Variants in RGS6 observed in about 807,000 individuals in gnomAD.
RGS6 encodes regulator of G protein signaling 6.
RGS6 carries 30 observed loss-of-function variants against 78.5 expected under a neutral mutation model. That is an observed-to-expected ratio of 0.38 (90% CI 0.29 to 0.52). RGS6 has a LOEUF of 0.52. RGS6 is among the 20% of genes least tolerant of loss of function. The probability of loss-of-function intolerance (pLI) is 0.85; values close to 1 mark genes in which losing one functional copy is unlikely to be tolerated. For missense variants in RGS6, 495 were observed against 609.7 expected (o/e 0.81, Z 1.98); for synonymous variants, 206 against 206.0 (o/e 1.00, Z 0.00).
rs1169822451 is a variant in RGS6 at position 72,024,060 on chromosome 14, C to T, written c.84+59185C>T. 4.8e-5 allele frequency among the ~76,000 whole-genome samples: 5 copies of T among 105,068 alleles called. No homozygotes were observed. In the East Asian group the frequency reaches 1.2e-3, roughly 26 times the overall value. 68.9% of individuals were successfully genotyped at this position (105,068 alleles called of 152,430 possible). A position where few individuals can be genotyped will look rare whatever the true frequency, so the allele number is the denominator to read the frequency against. Reference sequence around the variant, plus strand: ...TGCTTTGTACATGTAGCACTTAGCACTGTGTCTAGCACATAACGAGGACTC... The same window carrying T: ...TGCTTTGTACATGTAGCACTTAGCATTGTGTCTAGCACATAACGAGGACTC... On this transcript the variant is annotated intron_variant, in intron 2 of 17. Transcript: ENST00000553525.
At chr14:72,613,020 GTGTGTGTGTGTA>G in the RGS6 span, among the ~76,000 whole-genome samples, 5 of 151,996 alleles carry the variant, frequency 3.3e-5, no homozygotes, top group African/African-American at 1.2e-4. Context: ...GTGTGTGTGT[GTGTGTGTGTGTA>G]TGTGCGTGCG....
chr14:72,118,457 T>C (rs1238082610), intron 2 of RGS6, among the ~76,000 whole-genome samples: 1 of 152,186 alleles, frequency 6.6e-6, no homozygotes, highest in African/African-American at 2.4e-5. Flanking sequence ...TCTTTACTCA[T>C]AGAAGGGCAC....
chr14:71,926,903 T>A, the RGS6 span, among the ~76,000 whole-genome samples: 2 of 152,208 alleles, frequency 1.3e-5, no homozygotes, highest in Non-Finnish European at 2.9e-5. Context: ...TTATTTACCA[T>A]GGTCCTAACC....
intron 12 of RGS6, among the ~76,000 whole-genome samples, chr14:72,488,315 A>T (rs2239272): frequency 6.6e-6 from 1 of 151,956 alleles, no homozygotes; most frequent in Non-Finnish European, 1.5e-5. Flanking sequence ...CCTTTTTTAG[A>T]GAAGGCATGA....
intron 15 of RGS6, among the ~76,000 whole-genome samples, chr14:72,528,588 A>G (rs76250457): frequency 6.6e-6 from 1 of 152,190 alleles, no homozygotes; most frequent in East Asian, 1.9e-4. Flanking sequence ...CTGCTTGTTC[A>G]TAGTCAGCTT....
the RGS6 span, among the ~76,000 whole-genome samples, chr14:71,890,839 G>C: frequency 6.6e-6 from 1 of 152,206 alleles, no homozygotes; most frequent in African/African-American, 2.4e-5. Flanking sequence ...ACTCCATTCA[G>C]CTTGGGATTA....
At chr14:72,523,361 G>A (rs1465803477) in intron 15 of RGS6, among the ~76,000 whole-genome samples, 1 of 152,050 alleles carries the variant, frequency 6.6e-6, no homozygotes, top group South Asian at 2.1e-4. Context: ...TGTTAAATGG[G>A]GATGTTAACA....
intron 13 of RGS6, among the ~76,000 whole-genome samples, chr14:72,496,967 A>G (rs2096653349): frequency 6.6e-6 from 1 of 152,206 alleles, no homozygotes; most frequent in Non-Finnish European, 1.5e-5. Context: ...ATCCCCTGGC[A>G]CCGGTGAAGT....
At position 72,363,999 on chromosome 14, in the gene RGS6, T is replaced by TAAAAAAAAAAA. The variant is rs55943058; in HGVS notation, c.184+11822_184+11832dup. Among the ~76,000 whole-genome samples the TAAAAAAAAAAA allele has an allele frequency of 5.6e-3, 263 of 46,802 alleles. 53 individuals are homozygous for TAAAAAAAAAAA. The highest frequency in any genetic ancestry group is 8.5e-3 in the African/African-American group (129 of 15,208). The allele number at this position is 46,802 out of a possible 152,430, so 30.7% of individuals were successfully genotyped here. Reference sequence around the variant, plus strand: ...ACCATCACTTGTCAGTGGACAAGGCTAAAAAAAAAAAAAAAAAAAAAAAAA... The same window carrying TAAAAAAAAAAA: ...ACCATCACTTGTCAGTGGACAAGGCTAAAAAAAAAAAAAAAAAAAAAAAAAAAAAAAAAAAA... On this transcript the variant is annotated intron_variant, in intron 3 of 17. Transcript: ENST00000553525.
At position 72,546,479 on chromosome 14, in the gene RGS6, G is replaced by A. The variant is rs562386264; in HGVS notation, c.1422+6385G>A. ...GAGACACTGGGCCCTAGACCCTGAC[G>A]TTTCCGTTGGAAGGAGGAGCCCCCA... On this transcript the variant is annotated intron_variant, in intron 17 of 17. Transcript: ENST00000553525. 3.4e-4 allele frequency among the ~76,000 whole-genome samples: 52 copies of A among 152,286 alleles called. 1 individual carries two copies. Among genetic ancestry groups the A allele is most frequent in the South Asian group, 6.2e-4 (3 of 4,826 alleles).
chr14:71,942,854 A>G (rs1363095334), intron 1 of RGS6, among the ~76,000 whole-genome samples: 2 of 149,558 alleles, frequency 1.3e-5, no homozygotes, highest in African/African-American at 4.8e-5. Flanking sequence ...TTGGATATGA[A>G]CAAAATAGAT....
rs570473344 is a variant in RGS6 at position 72,092,729 on chromosome 14, T to C, written c.84+127854T>C. Among the ~76,000 whole-genome samples the C allele has an allele frequency of 7.9e-5, 12 of 152,268 alleles. No individual in the cohort carries two copies. The South Asian group carries it at 2.5e-3, about 32-fold the overall frequency. ...GATAGACTTCCTATCTTATAACAGT[T>C]TTAGATTTACAGAGCAGTTGCAAAG... On this transcript the variant is annotated intron_variant, in intron 2 of 17. Transcript: ENST00000553525.
intron 4 of RGS6, among the ~76,000 whole-genome samples, chr14:72,455,988 C>T (rs763116840): frequency 6.6e-6 from 1 of 152,106 alleles, no homozygotes; most frequent in Non-Finnish European, 1.5e-5. Flanking sequence ...CCTAAATTGG[C>T]GAGCAGTATG....
At chr14:72,419,065 G>A (rs1408453806) in intron 3 of RGS6, among the ~76,000 whole-genome samples, 2 of 152,226 alleles carry the variant, frequency 1.3e-5, no homozygotes, top group Non-Finnish European at 2.9e-5. Context: ...TTCTACAGTG[G>A]ATGCCAGTAA....
At chr14:72,136,391 A>T (rs950031763) in intron 2 of RGS6, among the ~76,000 whole-genome samples, 1 of 152,136 alleles carries the variant, frequency 6.6e-6, no homozygotes, top group Non-Finnish European at 1.5e-5. Context: ...CTGAATAAAG[A>T]CATATCGAAG....
At chr14:72,031,803 G>A (rs1267842700) in intron 2 of RGS6, among the ~76,000 whole-genome samples, 2 of 152,152 alleles carry the variant, frequency 1.3e-5, no homozygotes, top group South Asian at 4.1e-4. Context: ...TGGACTATTA[G>A]GGAACAGCCT....
At chr14:72,444,105 T>C (rs927940790) in intron 3 of RGS6, among the ~76,000 whole-genome samples, 7 of 152,138 alleles carry the variant, frequency 4.6e-5, no homozygotes, top group African/African-American at 1.2e-4. Context: ...TTGCAAATCA[T>C]GTACTCGGCT....
At chr14:72,414,152 C>G (rs1226569590) in intron 3 of RGS6, among the ~76,000 whole-genome samples, 1 of 152,218 alleles carries the variant, frequency 6.6e-6, no homozygotes, top group Non-Finnish European at 1.5e-5. Flanking sequence ...TGGATAATAT[C>G]CTGCAGAGTG....
chr14:72,439,876 G>C (rs2095113640), intron 3 of RGS6, among the ~76,000 whole-genome samples: 1 of 152,224 alleles, frequency 6.6e-6, no homozygotes, highest in African/African-American at 2.4e-5. Context: ...CTCCTAGAAA[G>C]ACCACATCCT....
Sources: allele counts gnomAD v4.1 joint callset (sites outside exome capture counted in the v4.1 genomes callset), GRCh38; gene constraint gnomAD v4.1.1; transcripts MANE v1.5; gene names NCBI Gene and HGNC (gene_info 2026-07-23, HGNC 2026-07-21).